Variants in CRYBG1 observed in about 807,000 individuals in gnomAD.
CRYBG1 encodes crystallin beta-gamma domain containing 1.
In CRYBG1, 139 loss-of-function variants were observed where a neutral mutation model predicts 189.2. That is an observed-to-expected ratio of 0.73 (90% CI 0.64 to 0.85). The LOEUF (loss-of-function observed/expected upper bound fraction) is 0.85, where lower values mean the gene tolerates loss of function less well. Ranked by LOEUF, CRYBG1 falls within the 40% of genes least tolerant of loss-of-function variation. The pLI, the probability that CRYBG1 is intolerant of heterozygous loss-of-function variation, is 0.00. For missense variants in CRYBG1, 2,611 were observed against 2,675.8 expected (o/e 0.98, Z 0.53); for synonymous variants, 1,023 against 1,017.1 (o/e 1.01, Z -0.11).
intron 1 of CRYBG1, among the ~76,000 whole-genome samples, chr6:106,421,280 T>A (rs2114388484): frequency 6.6e-6 from 1 of 152,276 alleles, no homozygotes; most frequent in Middle Eastern, 3.4e-3. Context: ...AGAACCATGA[T>A]GAGGCAGCAG....
At chr6:106,562,543 G>A (rs1034345755) in intron 20 of CRYBG1, among the ~76,000 whole-genome samples, 10 of 152,200 alleles carry the variant, frequency 6.6e-5, no homozygotes, top group Non-Finnish European at 1.5e-4. Context: ...CTGGAGTGCA[G>A]TGGCACTATC....
chr6:106,440,244 C>T (rs562550507), intron 1 of CRYBG1, among the ~76,000 whole-genome samples: 1 of 73,486 alleles, frequency 1.4e-5, no homozygotes, highest in South Asian at 3.7e-4. Context: ...TCCTTTCTTC[C>T]TCTCTCTCTC....
chr6:106,512,468 G>A lies in CRYBG1; in HGVS notation c.1351G>A (p.Glu451Lys), dbSNP rs763541838. Residue 451 changes from glutamate (E) to lysine (K), a missense_variant, in exon 3 of 22, where the codon GAG (glutamate) becomes AAG (lysine). Glu to Lys is a moderately conservative substitution (Grantham distance 56, BLOSUM62 1). This residue lies in a region of CRYBG1 where 985 missense variants were observed against 924.4 expected (regional missense o/e 1.07). Transcript: ENST00000633556. ...AARDDAVFDD[E>K]VAPNAASDNA... ...CAGGGACGACGCGGTGTTCGACGAC[G>A]AGGTGGCGCCAAACGCGGCCAGCGA... The A allele has an allele frequency of 1.4e-5, 22 of 1,611,128 alleles. No homozygotes were observed. Among genetic ancestry groups the A allele is most frequent in the East Asian group, 2.2e-5 (1 of 44,826 alleles).
intron 2 of CRYBG1, among the ~76,000 whole-genome samples, chr6:106,499,288 G>A (rs1010925492): frequency 7.3e-4 from 109 of 150,116 alleles, no homozygotes; most frequent in African/African-American, 2.6e-3. Context: ...AAGTAGCTGG[G>A]ATTACAGGTG....
intron 17 of CRYBG1, 45 bp downstream of exon 17, chr6:106,555,942 T>C (rs757660456): frequency 1.6e-5 from 25 of 1,609,424 alleles, no homozygotes; most frequent in Non-Finnish European, 2.1e-5. Context: ...GTATGCCTCA[T>C]ATAGCTGATG....
chr6:106,569,702 T>TTA lies in CRYBG1; in HGVS notation c.*1137_*1138dup, dbSNP rs1774999295. On this transcript the variant is annotated 3_prime_UTR_variant, in exon 22 of 22. Coordinates refer to ENST00000633556, the MANE Select transcript of CRYBG1 (RefSeq NM_001371242.2). ...TACTTTTTTGCTAAACTCAGATTTT[T>TTA]TAGCCTAATTTCTTGTCCTCCTATC... The TTA allele has an allele frequency of 1.3e-5, 2 of 152,250 alleles. No homozygotes were observed. The highest frequency in any genetic ancestry group is 4.8e-5 in the African/African-American group (2 of 41,456). The allele number at this position is 152,250 out of a possible 1,614,324, so 9.4% of individuals were successfully genotyped here. A position where few individuals can be genotyped will look rare whatever the true frequency, so the allele number is the denominator to read the frequency against.
intron 2 of CRYBG1, among the ~76,000 whole-genome samples, chr6:106,487,901 A>G (rs897531948): frequency 6.6e-6 from 1 of 151,970 alleles, no homozygotes; most frequent in African/African-American, 2.4e-5. Context: ...CCCTACATTG[A>G]TATCTGTCCA....
intron 2 of CRYBG1, among the ~76,000 whole-genome samples, chr6:106,505,995 T>C (rs1057101860): frequency 6.6e-6 from 1 of 152,210 alleles, no homozygotes; most frequent in East Asian, 1.9e-4. Context: ...GGTGAGTACA[T>C]GTAACAAGAT....
intron 1 of CRYBG1, among the ~76,000 whole-genome samples, chr6:106,385,603 C>T (rs961255130): frequency 1.6e-4 from 25 of 152,194 alleles, no homozygotes; most frequent in African/African-American, 5.8e-4. Flanking sequence ...CATGCACATC[C>T]TCCTGAAAAC....
chr6:106,399,246 T>C (rs1350979309), intron 1 of CRYBG1, among the ~76,000 whole-genome samples: 1 of 152,238 alleles, frequency 6.6e-6, no homozygotes, highest in Non-Finnish European at 1.5e-5. Context: ...AATCCTGACA[T>C]AAGCCACTAA....
chr6:106,377,621 TTATATA>T (rs373644273), intron 1 of CRYBG1, among the ~76,000 whole-genome samples: 22,185 of 69,128 alleles, frequency 0.32, 2,353 homozygotes, highest in South Asian at 0.51. Flanking sequence ...TCCTAAGGTT[TTATATA>T]TATATATATA....
chr6:106,468,281 G>A (rs1201660472), intron 2 of CRYBG1, among the ~76,000 whole-genome samples: 1 of 152,136 alleles, frequency 6.6e-6, no homozygotes, highest in African/African-American at 2.4e-5. Flanking sequence ...GGTTGAAAGA[G>A]GGGTAAACCC....
At chr6:106,490,008 A>G (rs1204295385) in intron 2 of CRYBG1, among the ~76,000 whole-genome samples, 1 of 152,246 alleles carries the variant, frequency 6.6e-6, no homozygotes, top group Admixed American at 6.5e-5. Flanking sequence ...ATAAAGAACT[A>G]TAGGAAGAAT....
intron 1 of CRYBG1, among the ~76,000 whole-genome samples, chr6:106,364,951 A>G (rs988108458): frequency 6.6e-6 from 1 of 152,230 alleles, no homozygotes; most frequent in Non-Finnish European, 1.5e-5. Flanking sequence ...GTTGGCACAT[A>G]GTATGTGCTC....
At chr6:106,401,634 C>T (rs1770723361) in intron 1 of CRYBG1, among the ~76,000 whole-genome samples, 1 of 114,640 alleles carries the variant, frequency 8.7e-6, no homozygotes, top group Non-Finnish European at 1.8e-5. Context: ...TCAATTCCCA[C>T]CTATGAGTGA....
At chr6:106,455,765 G>C in intron 2 of CRYBG1, among the ~76,000 whole-genome samples, 1 of 151,726 alleles carries the variant, frequency 6.6e-6, no homozygotes, top group East Asian at 1.9e-4. Context: ...AGCAAAAAAA[G>C]GTTTTTTGCT....
intron 2 of CRYBG1, among the ~76,000 whole-genome samples, chr6:106,497,232 T>C (rs1237897586): frequency 6.6e-6 from 1 of 151,674 alleles, no homozygotes; most frequent in Non-Finnish European, 1.5e-5. Context: ...CGAGGGGAAA[T>C]CAGGCCGGTC....
At chr6:106,400,075 G>T (rs7740656) in intron 1 of CRYBG1, among the ~76,000 whole-genome samples, 56,585 of 146,986 alleles carry the variant, frequency 0.38, 11,322 homozygotes, top group South Asian at 0.59. Flanking sequence ...GGCAGAGTTT[G>T]CAGTGAGCTG....
At chr6:106,382,191 C>T (rs891183031) in intron 1 of CRYBG1, among the ~76,000 whole-genome samples, 1 of 152,136 alleles carries the variant, frequency 6.6e-6, no homozygotes, top group Non-Finnish European at 1.5e-5. Flanking sequence ...CACGTGTGGT[C>T]AGTAGTCAAA....
Sources: allele counts gnomAD v4.1 joint callset (sites outside exome capture counted in the v4.1 genomes callset), GRCh38; gene constraint gnomAD v4.1.1; regional missense constraint gnomAD v4.1.1; transcripts MANE v1.5; gene names NCBI Gene and HGNC (gene_info 2026-07-23, HGNC 2026-07-21).